GPD1L: variants seen among roughly 807,000 people sequenced by gnomAD.
The protein encoded by GPD1L is glycerol-3-phosphate dehydrogenase 1 like, also known as glycerol-3-phosphate dehydrogenase 1-like protein.
In GPD1L, 17 loss-of-function variants were observed where a neutral mutation model predicts 32.9. The ratio of observed to expected loss-of-function variants is 0.52; its 90% CI spans 0.35 to 0.78. The LOEUF (loss-of-function observed/expected upper bound fraction) is 0.78, where lower values mean the gene tolerates loss of function less well. GPD1L is among the 30% of genes least tolerant of loss of function. The pLI, the probability that GPD1L is intolerant of heterozygous loss-of-function variation, is 0.01. For synonymous variants in GPD1L, 187 were observed against 165.9 expected, an observed-to-expected ratio of 1.13 and a Z score of -0.98; for missense variants, 361 against 447.8, an observed-to-expected ratio of 0.81 and a Z score of 1.75.
chr3:32,162,353 C>G (rs1201467117), intron 7 of GPD1L, among the ~76,000 whole-genome samples: 1 of 152,098 alleles, frequency 6.6e-6, no homozygotes, highest in African/African-American at 2.4e-5. Flanking sequence ...TGGAACTTTT[C>G]TTTGCCTCTC....
In GPD1L at chr3:32,163,681, A is replaced by G. The variant is rs547713242; in HGVS notation, c.960-2133A>G. Among the ~76,000 whole-genome samples, 3 of 152,328 alleles carry G rather than the reference A, an allele frequency of 2.0e-5. No individual in the cohort carries two copies. In the East Asian group the frequency reaches 5.8e-4, roughly 29 times the overall value. On this transcript the variant is annotated intron_variant, in intron 7 of 7. Transcript: ENST00000282541. ...TTTACTCATATATAGAATGGGGACA[A>G]TATTTTCTACCTCATGGGGTGATTG...
rs559885055 is a variant in GPD1L at position 32,137,838 on chromosome 3, T to C, written c.226-749T>C. 1.4e-4 allele frequency among the ~76,000 whole-genome samples: 22 copies of C among 152,264 alleles called. No homozygotes were observed. The South Asian group carries it at 4.6e-3, about 32-fold the overall frequency. Reference sequence around the variant, plus strand: ...TTTCTATATCATTTAGTCCTCACAGTGGCACTCTCAAAGGAGAGTTTAGTG... The same window carrying C: ...TTTCTATATCATTTAGTCCTCACAGCGGCACTCTCAAAGGAGAGTTTAGTG... On this transcript the variant is annotated intron_variant, in intron 2 of 7. Transcript: ENST00000282541.
intron 7 of GPD1L, among the ~76,000 whole-genome samples, chr3:32,163,276 C>T (rs1701098255): frequency 6.9e-6 from 1 of 144,154 alleles, no homozygotes; most frequent in Non-Finnish European, 1.5e-5. Context: ...TCACACCATT[C>T]TTCTGCCTCA....
At chr3:32,115,642 C>G (rs1366840889) in intron 1 of GPD1L, among the ~76,000 whole-genome samples, 2 of 152,038 alleles carry the variant, frequency 1.3e-5, no homozygotes, top group Non-Finnish European at 2.9e-5. Flanking sequence ...ACCTAATAGC[C>G]CTAACACTGG....
At chr3:32,118,928 T>C (rs1700368698) in intron 1 of GPD1L, among the ~76,000 whole-genome samples, 1 of 152,226 alleles carries the variant, frequency 6.6e-6, no homozygotes, top group Non-Finnish European at 1.5e-5. Flanking sequence ...GGTTCATCCA[T>C]GTTGTAACGT....
At position 32,130,830 on chromosome 3, in the gene GPD1L, T is replaced by A. The variant is rs1463004419; in HGVS notation, c.225+2577T>A. 5.3e-5 allele frequency among the ~76,000 whole-genome samples: 8 copies of A among 152,064 alleles called. No homozygotes were observed. The South Asian group carries it at 1.5e-3, about 28-fold the overall frequency. ...GAGCTCGAGACCACCCTGGCCAACA[T>A]GGCAAAACCTCATCTCTACTAAAAA... On this transcript the variant is annotated intron_variant, in intron 2 of 7. Transcript: ENST00000282541.
At chr3:32,159,421 G>T (rs55689071) in intron 6 of GPD1L, 147 bp from the exon 7 acceptor site, 6 of 660,506 alleles carry the variant, frequency 9.1e-6, no homozygotes, top group East Asian at 2.7e-5. Context: ...GCTTTAGGCC[G>T]CAAGTTCGAG....
At chr3:32,119,011 A>G (rs1700369963) in intron 1 of GPD1L, among the ~76,000 whole-genome samples, 1 of 152,166 alleles carries the variant, frequency 6.6e-6, no homozygotes, top group African/African-American at 2.4e-5. Context: ...TTATCCATAC[A>G]TCAGTTGATG....
intron 5 of GPD1L, among the ~76,000 whole-genome samples, chr3:32,152,857 AAGAC>A (rs66498021): frequency 0.33 from 49,667 of 148,758 alleles, 8,666 homozygotes; most frequent in East Asian, 0.62. Flanking sequence ...AAAAAAAAAA[AAGAC>A]AGACAAAGAG....
At chr3:32,163,140 T>C (rs553142888) in intron 7 of GPD1L, among the ~76,000 whole-genome samples, 69 of 150,190 alleles carry the variant, frequency 4.6e-4, no homozygotes, top group Non-Finnish European at 8.9e-4. Flanking sequence ...ATTAGTGGGA[T>C]AGCTGGCTGA....
At chr3:32,139,288 A>C (rs895001097) in intron 3 of GPD1L, among the ~76,000 whole-genome samples, 1 of 152,228 alleles carries the variant, frequency 6.6e-6, no homozygotes, top group African/African-American at 2.4e-5. Flanking sequence ...AGACCTTGTC[A>C]ATAGGAGTCG....
At chr3:32,126,862 T>C (rs1024644947) in intron 1 of GPD1L, among the ~76,000 whole-genome samples, 1 of 152,108 alleles carries the variant, frequency 6.6e-6, no homozygotes, top group Non-Finnish European at 1.5e-5. Flanking sequence ...TGGCCTGGGG[T>C]GTGGTCTGGG....
chr3:32,138,136 C>A (rs987491859), intron 2 of GPD1L, among the ~76,000 whole-genome samples: 2 of 152,222 alleles, frequency 1.3e-5, no homozygotes, highest in Admixed American at 6.5e-5. Context: ...TGTCTCTCCT[C>A]CCATCCTTTG....
rs149423659 is a variant in GPD1L at position 32,165,850 on chromosome 3, C to T, written c.996C>T (p.Tyr332=). Residue 332 remains tyrosine, a synonymous_variant, in exon 8 of 8, where the codon TAC becomes TAT. Coordinates refer to ENST00000282541, the MANE Select transcript of GPD1L (RefSeq NM_015141.4). ...PLFTAVYQIC[Y]ESRPVQEMLS... ...TTACTGCAGTGTATCAGATCTGCTA[C>T]GAAAGCAGACCAGTTCAAGAGATGT... 7.5e-5 allele frequency: 121 copies of T among 1,608,354 alleles called. No individual in the cohort carries two copies. Among genetic ancestry groups the T allele is most frequent in the Admixed American group, 3.0e-4 (18 of 59,998 alleles).
Position 32,106,815 on chromosome 3 carries a change from G to A in GPD1L, c.47+57G>A. 1 of 1,499,058 alleles carries A rather than the reference G, an allele frequency of 6.7e-7. No homozygotes were observed. Among genetic ancestry groups the A allele is most frequent in the Non-Finnish European group, 9.0e-7 (1 of 1,113,982 alleles). The allele number at this position is 1,499,058 out of a possible 1,614,324, so 92.9% of individuals were successfully genotyped here. ...CGCTTCCAGGAAGCGCCTCTCCCGG[G>A]CGGTGAGGGCTGCGCGCCCCATGCT... is the stretch of plus-strand genomic sequence containing the variant. On this transcript the variant is annotated intron_variant, in intron 1 of 7. Transcript: ENST00000282541. This position sits in a 1 kb window ranked among gnomAD's most constrained non-coding sequence, Gnocchi z 4.0.
intron 7 of GPD1L, among the ~76,000 whole-genome samples, chr3:32,163,534 G>A (rs1701103168): frequency 6.6e-6 from 1 of 152,102 alleles, no homozygotes; most frequent in South Asian, 2.1e-4. Context: ...ACTTTATTTA[G>A]AGAGTCTTCC....
intron 5 of GPD1L, among the ~76,000 whole-genome samples, chr3:32,148,578 C>A (rs1168164145): frequency 6.6e-6 from 1 of 152,156 alleles, no homozygotes; most frequent in African/African-American, 2.4e-5. Flanking sequence ...TTATTAACTC[C>A]AACCATTGTC....
intron 4 of GPD1L, among the ~76,000 whole-genome samples, chr3:32,142,924 G>A (rs1700768536): frequency 6.6e-6 from 1 of 152,180 alleles, no homozygotes. Flanking sequence ...ATTTCTGGGT[G>A]GAGTAGCTCT....
chr3:32,113,041 T>C (rs1286044735), intron 1 of GPD1L, among the ~76,000 whole-genome samples: 1 of 152,166 alleles, frequency 6.6e-6, no homozygotes, highest in Non-Finnish European at 1.5e-5. Flanking sequence ...ATCATTTTCA[T>C]AAAAATGTTG....
Sources: allele counts gnomAD v4.1 joint callset (sites outside exome capture counted in the v4.1 genomes callset), GRCh38; gene constraint gnomAD v4.1.1; non-coding constraint Gnocchi (gnomAD v3.1); transcripts MANE v1.5; gene names NCBI Gene and HGNC (gene_info 2026-07-23, HGNC 2026-07-21).